Variants in NOX4 observed in about 807,000 individuals in gnomAD.
NOX4 encodes kidney oxidase-1.
Under a neutral mutation model 87.6 loss-of-function variants are expected in NOX4, and 69 were observed. The observed-to-expected ratio is 0.79, with a 90% CI of 0.65 to 0.96. NOX4 has a LOEUF of 0.96. NOX4 is among the 40% of genes least tolerant of loss of function. The pLI, the probability that NOX4 is intolerant of heterozygous loss-of-function variation, is 0.00. For synonymous variants in NOX4, 275 were observed against 238.2 expected (o/e 1.15, Z -1.42); for missense variants, 680 against 681.5 (o/e 1.00, Z 0.02).
chr11:89,353,496 T>C (rs1937728397), intron 13 of NOX4, among the ~76,000 whole-genome samples: 1 of 152,302 alleles, frequency 6.6e-6, no homozygotes, highest in South Asian at 2.1e-4. Flanking sequence ...GGGATGTACA[T>C]AGTATTTCTA....
chr11:89,387,352 T>C (rs1024223249), intron 11 of NOX4, among the ~76,000 whole-genome samples: 87 of 152,064 alleles, frequency 5.7e-4, no homozygotes, highest in African/African-American at 2.0e-3. Context: ...ACTGAGCACC[T>C]TGTGACCCCC....
At chr11:89,395,332 C>T (rs1158783956) in intron 11 of NOX4, among the ~76,000 whole-genome samples, 1 of 152,044 alleles carries the variant, frequency 6.6e-6, no homozygotes, top group African/African-American at 2.4e-5. Flanking sequence ...TATTCTTTGC[C>T]CACTTTATGA....
In NOX4 at chr11:89,324,419, C is replaced by T. The variant is rs1245203231; in HGVS notation, c.*2337G>A. 6.6e-6 allele frequency: 1 copy of T among 152,138 alleles called. No homozygotes were observed. The highest frequency in any genetic ancestry group is 2.4e-5 in the African/African-American group (1 of 41,418). 9.4% of individuals were successfully genotyped at this position (152,138 alleles called of 1,614,324 possible). A position where few individuals can be genotyped will look rare whatever the true frequency, so the allele number is the denominator to read the frequency against. The stretch of plus-strand genomic sequence containing the variant: ...AGGCTTGTATTATAAGAATGATCCC[C>T]AGAGAAATAATCCCTCAAAATAAAA... On this transcript the variant is annotated 3_prime_UTR_variant, in exon 18 of 18. Transcript: ENST00000263317.
At chr11:89,461,076 C>A (rs180705185) in intron 2 of NOX4, among the ~76,000 whole-genome samples, 145 of 152,184 alleles carry the variant, frequency 9.5e-4, no homozygotes, top group African/African-American at 2.6e-3. Flanking sequence ...CCAAACACCG[C>A]ATGTTCTCAC....
upstream of NOX4, chr11:89,499,345 G>T (rs1946993624): frequency 6.6e-6 from 1 of 152,058 alleles, no homozygotes; most frequent in Admixed American, 6.6e-5. Context: ...ATGAACAAAT[G>T]AATAAATAAA....
chr11:89,454,369 T>G (rs997026215), intron 2 of NOX4, among the ~76,000 whole-genome samples: 5 of 152,130 alleles, frequency 3.3e-5, no homozygotes, highest in African/African-American at 1.2e-4. Context: ...ATTGCCATGT[T>G]GGAGATGAAG....
intron 13 of NOX4, among the ~76,000 whole-genome samples, chr11:89,344,744 A>G (rs1198566290): frequency 6.6e-6 from 1 of 152,196 alleles, no homozygotes; most frequent in Non-Finnish European, 1.5e-5. Flanking sequence ...TGCATTGGGA[A>G]CTAAAACTCA....
chr11:89,556,986 A>AT, the NOX4 span: 1 of 152,170 alleles, frequency 6.6e-6, no homozygotes, highest in African/African-American at 2.4e-5. Context: ...ACGTGCAGTC[A>AT]TATTACCATG....
At chr11:89,484,657 TAAGTA>T (rs1376341168) in intron 2 of NOX4, among the ~76,000 whole-genome samples, 2 of 152,064 alleles carry the variant, frequency 1.3e-5, no homozygotes, top group African/African-American at 4.8e-5. Context: ...AATGAAAAGT[TAAGTA>T]AAGATATCAA....
At chr11:89,400,815 T>C (rs1374239987) in intron 9 of NOX4, among the ~76,000 whole-genome samples, 1 of 150,370 alleles carries the variant, frequency 6.7e-6, no homozygotes, top group Non-Finnish European at 1.5e-5. Context: ...TTAATGTACA[T>C]AATGTATATG....
chr11:89,491,169 G>C lies in NOX4; in HGVS notation c.57+21C>G, dbSNP rs370951170. 3.7e-6 allele frequency: 6 copies of C among 1,611,374 alleles called. No individual in the cohort carries two copies. In the African/African-American group the frequency reaches 5.3e-5, roughly 14 times the overall value. ...CTGCAGGACAGAGAGAACGCAAGGA[G>C]AGCCTAGCCCGCCATCCTACCAGGC... On this transcript the variant is annotated intron_variant, in intron 1 of 17. Transcript: ENST00000263317.
upstream of NOX4, among the ~76,000 whole-genome samples, chr11:89,495,099 C>A (rs773123571): frequency 6.6e-6 from 1 of 152,078 alleles, no homozygotes; most frequent in Non-Finnish European, 1.5e-5. Context: ...CACACCACCA[C>A]GCCTGGTTCA....
intron 2 of NOX4, among the ~76,000 whole-genome samples, chr11:89,489,435 A>G (rs1946760618): frequency 6.6e-6 from 1 of 152,166 alleles, no homozygotes; most frequent in Non-Finnish European, 1.5e-5. Flanking sequence ...TTGCTTAGAA[A>G]ATGCAATCTC....
At chr11:89,409,269 T>A (rs1810648392) in intron 8 of NOX4, among the ~76,000 whole-genome samples, 1 of 152,098 alleles carries the variant, frequency 6.6e-6, no homozygotes, top group Non-Finnish European at 1.5e-5. Flanking sequence ...AACTTTCTCA[T>A]CTTGTAATAC....
intron 7 of NOX4, among the ~76,000 whole-genome samples, chr11:89,427,028 C>T (rs986669006): frequency 6.6e-6 from 1 of 152,132 alleles, no homozygotes; most frequent in African/African-American, 2.4e-5. Flanking sequence ...ACAAAGCTTC[C>T]AGAGGAATGA....
chr11:89,448,165 T>G (rs1944789580), intron 4 of NOX4, among the ~76,000 whole-genome samples: 1 of 152,120 alleles, frequency 6.6e-6, no homozygotes, highest in Non-Finnish European at 1.5e-5. Context: ...ATTTTCTCAT[T>G]TTAGTCTTAA....
chr11:89,577,506 G>C, the NOX4 span: 1 of 152,038 alleles, frequency 6.6e-6, no homozygotes, highest in Non-Finnish European at 1.5e-5. Context: ...TACAAATATT[G>C]CTTGCCATTT....
chr11:89,378,511 A>C (rs1175058571), intron 11 of NOX4, among the ~76,000 whole-genome samples: 1 of 152,138 alleles, frequency 6.6e-6, no homozygotes, highest in Non-Finnish European at 1.5e-5. Context: ...TTCTATATTA[A>C]TAAACTGTAA....
At chr11:89,375,561 ACCT>A (rs1056217609) in intron 11 of NOX4, among the ~76,000 whole-genome samples, 2 of 151,244 alleles carry the variant, frequency 1.3e-5, no homozygotes, top group African/African-American at 4.9e-5. Context: ...ATCCACCTCA[ACCT>A]CCCAAACTGC....
Sources: allele counts gnomAD v4.1 joint callset (sites outside exome capture counted in the v4.1 genomes callset), GRCh38; gene constraint gnomAD v4.1.1; transcripts MANE v1.5; gene names NCBI Gene and HGNC (gene_info 2026-07-23, HGNC 2026-07-21).